The following DDX49 variants were observed in gnomAD, a reference collection of about 807,000 sequenced individuals.
DDX49 encodes DEAD-box helicase 49.
A neutral mutation model predicts 56.3 loss-of-function variants in DDX49; 50 were observed. The ratio of observed to expected loss-of-function variants is 0.89; its 90% CI spans 0.71 to 1.12. DDX49 has a LOEUF of 1.12. Ranked by LOEUF, DDX49 falls within the 50% of genes most tolerant of loss-of-function variation. DDX49 has a pLI of 0.00. For synonymous variants in DDX49, 269 were observed against 270.6 expected, an observed-to-expected ratio of 0.99 and a Z score of 0.06; for missense variants, 614 against 650.5, an observed-to-expected ratio of 0.94 and a Z score of 0.61.
intron 1 of DDX49, 94 bp from the exon 2 acceptor site, chr19:18,920,486 C>A: frequency 7.3e-7 from 1 of 1,362,878 alleles, no homozygotes; most frequent in Non-Finnish European, 1.0e-6. Context: ...TCCAGTCCAG[C>A]CTGCCACTCA....
At chr19:18,924,543 C>G (rs545694455) in intron 7 of DDX49, 80 bp from the exon 8 acceptor site, 1 of 1,488,072 alleles carries the variant, frequency 6.7e-7, no homozygotes, top group African/African-American at 1.4e-5. Flanking sequence ...GGGACTGTCC[C>G]GGCCTCCACC....
chr19:18,924,113 C>T, intron 6 of DDX49, 120 bp from the exon 7 acceptor site: 1 of 963,290 alleles, frequency 1.0e-6, no homozygotes, highest in Admixed American at 1.8e-5. Context: ...TGGCCTGCTG[C>T]CTCTCCTTTC....
At chr19:18,925,596 T>G (rs932949113) in intron 9 of DDX49, among the ~76,000 whole-genome samples, 1 of 152,118 alleles carries the variant, frequency 6.6e-6, no homozygotes, top group Non-Finnish European at 1.5e-5. Context: ...AAAATAAAAT[T>G]GTAAAATAAA....
rs1568328813 is a variant in DDX49 at position 18,922,370 on chromosome 19, C to A, written c.492C>A (p.Asp164Glu). 1 of 1,612,028 alleles carries A rather than the reference C, an allele frequency of 6.2e-7. No individual in the cohort carries two copies. Among genetic ancestry groups the A allele is most frequent in the Non-Finnish European group, 8.5e-7 (1 of 1,179,774 alleles). ...GGCTGCTGGAACAGGGCTGCACTGA[C>A]TTCACCGTGGACCTGGAGGCCATCC... is the stretch of plus-strand genomic sequence containing the variant. ...ADRLLEQGCT[D>E]FTVDLEAILA... is the part of the protein sequence containing the mutation. The change falls in exon 5 of 13, where the codon GAC (aspartate) becomes GAA (glutamate). Residue 164 changes from aspartate to glutamate, a missense_variant. Asp to Glu is a conservative substitution (Grantham distance 45). Coordinates refer to ENST00000247003, the MANE Select transcript of DDX49 (RefSeq NM_019070.5).
intron 6 of DDX49, 69 bp downstream of exon 6, chr19:18,922,813 G>A: frequency 6.4e-7 from 1 of 1,561,614 alleles, no homozygotes; most frequent in Non-Finnish European, 8.7e-7. Context: ...TCTTTGGTCT[G>A]GGACACACAG....
chr19:18,919,721 C>A lies in DDX49; in HGVS notation c.-21C>A, dbSNP rs1450366272. The A allele has an allele frequency of 6.2e-7, 1 of 1,600,196 alleles. No individual in the cohort carries two copies. Among genetic ancestry groups the A allele is most frequent in the Admixed American group, 1.7e-5 (1 of 58,976 alleles). ...GGATCACACGGGCCCCTACAAGGGG[C>A]CCCTACAAGCGGCCACAAGGATGGC... is the stretch of plus-strand genomic sequence containing the variant. On this transcript the variant is annotated 5_prime_UTR_variant, in exon 1 of 13. Coordinates refer to ENST00000247003, the MANE Select transcript of DDX49 (RefSeq NM_019070.5).
intron 6 of DDX49, among the ~76,000 whole-genome samples, chr19:18,923,956 C>T (rs1479341670): frequency 1.3e-5 from 2 of 151,990 alleles, no homozygotes; most frequent in Admixed American, 6.6e-5. Context: ...TACAGTCATA[C>T]ACCATCATGC....
At chr19:18,922,563 CAG>C (rs1427797197) in intron 5 of DDX49, 39 bp from the exon 6 acceptor site, 7 of 1,600,320 alleles carry the variant, frequency 4.4e-6, no homozygotes, top group Non-Finnish European at 6.0e-6. Context: ...ATCCTACAGA[CAG>C]GGACACTGAG....
chr19:18,920,735 T>C (rs1242855582), intron 2 of DDX49, 32 bp downstream of exon 2: 2 of 1,578,562 alleles, frequency 1.3e-6, no homozygotes, highest in Non-Finnish European at 1.7e-6. Context: ...TGGGTATGGG[T>C]TAACCAGCTG....
chr19:18,923,045 A>G (rs1399816542), intron 6 of DDX49, among the ~76,000 whole-genome samples: 2 of 152,144 alleles, frequency 1.3e-5, no homozygotes, highest in Non-Finnish European at 2.9e-5. Flanking sequence ...GTCCCATCTC[A>G]GAGGAAGTTG....
intron 10 of DDX49, 49 bp downstream of exon 10, chr19:18,926,426 G>GCTT: frequency 1.3e-6 from 1 of 757,004 alleles, no homozygotes; most frequent in Non-Finnish European, 2.2e-6. Flanking sequence ...GGGGTGGGCA[G>GCTT]AGGTGGGCAC....
intron 7 of DDX49, 71 bp from the exon 8 acceptor site, chr19:18,924,552 C>T (rs1257646069): frequency 1.3e-6 from 2 of 1,539,826 alleles, no homozygotes; most frequent in Non-Finnish European, 1.8e-6. Context: ...CCGGCCTCCA[C>T]CCTGTCCCGA....
Position 18,926,510 on chromosome 19 carries a change from C to G in DDX49, c.1102+133C>G. 6 of 893,308 alleles carry G rather than the reference C, an allele frequency of 6.7e-6. No individual in the cohort carries two copies. In the South Asian group the frequency reaches 9.8e-5, roughly 15 times the overall value. The allele number at this position is 893,308 out of a possible 1,614,324, so 55.3% of individuals were successfully genotyped here. ...GTGAGCAGATTTAGGCTGGGGCTTC[C>G]TTCCCTAGGCACCCCCAAAAGAAGT... On this transcript the variant is annotated intron_variant, in intron 10 of 12. Coordinates refer to ENST00000247003, the MANE Select transcript of DDX49 (RefSeq NM_019070.5).
In DDX49 at chr19:18,919,842, C is replaced by T; in HGVS notation, c.101C>T (p.Pro34Leu). 2 of 1,601,768 alleles carry T rather than the reference C, an allele frequency of 1.2e-6. No homozygotes were observed. Among genetic ancestry groups the T allele is most frequent in the Admixed American group, 1.7e-5 (1 of 59,804 alleles). ...ACGCCCGTGCAGCTCGGCTGCATCCCCGCCATCCTGGAGGGTGAGTATGGC... is the reference window on the plus strand; with the variant it reads ...ACGCCCGTGCAGCTCGGCTGCATCCTCGCCATCCTGGAGGGTGAGTATGGC... The part of the protein sequence containing the change: ...QPTPVQLGCI[P>L]AILEGRDCLG... Residue 34 changes from proline to leucine, a missense_variant, in exon 1 of 13, where the codon CCC becomes CTC. Transcript: ENST00000247003.
intron 9 of DDX49, 75 bp downstream of exon 9, chr19:18,925,054 C>T (rs546400215): frequency 1.4e-5 from 21 of 1,521,150 alleles, no homozygotes; most frequent in African/African-American, 1.4e-5. Context: ...GGTGGTAGGA[C>T]GTGGGTAGGG....
Position 18,921,969 on chromosome 19 carries a change from G to A in DDX49, c.447+5G>A, listed in dbSNP as rs1263244534. The A allele has an allele frequency of 5.0e-6, 8 of 1,602,960 alleles. No individual in the cohort carries two copies. The highest frequency in any genetic ancestry group is 6.8e-6 in the Non-Finnish European group (8 of 1,173,076). Reference sequence around the variant, plus strand: ...ATAAAGAAGATCCGCTTCCTGGTGAGTTCGCCCCGCCCCTGCAGACCTCAG... The same window carrying A: ...ATAAAGAAGATCCGCTTCCTGGTGAATTCGCCCCGCCCCTGCAGACCTCAG... On this transcript the variant is annotated splice_donor_5th_base_variant and intron_variant, in intron 4 of 12. Coordinates refer to ENST00000247003, the MANE Select transcript of DDX49 (RefSeq NM_019070.5).
At chr19:18,926,398 TGGTAGAGAAGGAGGGGTGGGGTGGGC>T in intron 10 of DDX49, 21 bp downstream of exon 10, 2 of 599,486 alleles carry the variant, frequency 3.3e-6, no homozygotes, top group East Asian at 9.2e-5. Context: ...TTGGGGTGGG[TGGTAGAGAAGGAGGGGTGGGGTGGGC>T]AGAGGTGGGC....
rs914239250 is a variant in DDX49 at position 18,921,972 on chromosome 19, C to T, written c.447+8C>T. 38 of 1,600,768 alleles carry T rather than the reference C, an allele frequency of 2.4e-5. No individual in the cohort carries two copies. The highest frequency in any genetic ancestry group is 3.2e-5 in the Non-Finnish European group (37 of 1,171,724). On this transcript the variant is annotated splice_region_variant and intron_variant, in intron 4 of 12. Coordinates refer to ENST00000247003, the MANE Select transcript of DDX49 (RefSeq NM_019070.5). Reference sequence around the variant, plus strand: ...AAGAAGATCCGCTTCCTGGTGAGTTCGCCCCGCCCCTGCAGACCTCAGGAG... The same window carrying T: ...AAGAAGATCCGCTTCCTGGTGAGTTTGCCCCGCCCCTGCAGACCTCAGGAG...
At position 18,928,420 on chromosome 19, in the gene DDX49, C is replaced by T. The variant is rs2056983549; in HGVS notation, c.*104C>T. ...CCCTTCCCGGGGGCCTACCCAGTGC[C>T]CCACAGCAGAACCCGTGGGCGCTCG... is the stretch of plus-strand genomic sequence containing the variant. On this transcript the variant is annotated 3_prime_UTR_variant, in exon 13 of 13. Coordinates refer to ENST00000247003, the MANE Select transcript of DDX49 (RefSeq NM_019070.5). The T allele has an allele frequency of 8.4e-7, 1 of 1,188,292 alleles. No homozygotes were observed. Among genetic ancestry groups the T allele is most frequent in the South Asian group, 1.6e-5 (1 of 62,382 alleles). The allele number at this position is 1,188,292 out of a possible 1,614,324, so 73.6% of individuals were successfully genotyped here. A position where few individuals can be genotyped will look rare whatever the true frequency, so the allele number is the denominator to read the frequency against.
Sources: allele counts gnomAD v4.1 joint callset (sites outside exome capture counted in the v4.1 genomes callset), GRCh38; gene constraint gnomAD v4.1.1; transcripts MANE v1.5; gene names NCBI Gene and HGNC (gene_info 2026-07-23, HGNC 2026-07-21).